The following AHCY variants were observed in gnomAD, a reference collection of about 807,000 sequenced individuals.
AHCY encodes the protein adenosylhomocysteinase, also known as S-adenosyl-L-homocysteine hydrolase.
A neutral mutation model predicts 45.4 loss-of-function variants in AHCY; 24 were observed. The observed-to-expected ratio is 0.53, with a 90% CI of 0.38 to 0.74. The LOEUF (loss-of-function observed/expected upper bound fraction) is 0.74. AHCY is among the 30% of genes least tolerant of loss of function. The pLI is 0.00. For missense variants in AHCY, 449 were observed against 594.1 expected (o/e 0.76, Z 2.54); for synonymous variants, 245 against 235.1 (o/e 1.04, Z -0.39).
intron 8 of AHCY, among the ~76,000 whole-genome samples, chr20:34,289,607 A>G (rs551657872): frequency 1.3e-4 from 19 of 150,884 alleles, no homozygotes; most frequent in Admixed American, 5.3e-4. Context: ...CCTCCCAAAT[A>G]GCTGGGATTA....
At chr20:34,299,751 C>A (rs1202725544) in intron 1 of AHCY, among the ~76,000 whole-genome samples, 1 of 152,196 alleles carries the variant, frequency 6.6e-6, no homozygotes, top group Non-Finnish European at 1.5e-5. Context: ...GGAAATGAAA[C>A]CACCATTCAA....
At chr20:34,256,605 T>C in the AHCY span, among the ~76,000 whole-genome samples, 1 of 152,172 alleles carries the variant, frequency 6.6e-6, no homozygotes, top group African/African-American at 2.4e-5. Context: ...GCCTGGCCTC[T>C]TTTTCTAGCT....
At chr20:34,259,749 T>TA in the AHCY span, among the ~76,000 whole-genome samples, 1,267 of 142,746 alleles carry the variant, frequency 8.9e-3, 14 homozygotes, top group African/African-American at 0.029. Flanking sequence ...AGACTCCATC[T>TA]AAAAAAAAAA....
At chr20:34,306,940 G>C (rs893316543), upstream of AHCY, among the ~76,000 whole-genome samples, 8 of 152,186 alleles carry the variant, frequency 5.3e-5, no homozygotes, top group African/African-American at 1.9e-4. Context: ...GGTAAATGTG[G>C]CTGTAAAAGG....
chr20:34,238,012 T>C, the AHCY span, among the ~76,000 whole-genome samples: 1 of 152,206 alleles, frequency 6.6e-6, no homozygotes, highest in African/African-American at 2.4e-5. Flanking sequence ...AATCTGCTAA[T>C]GATTTTATTG....
At chr20:34,260,364 G>A in the AHCY span, 115 of 1,611,930 alleles carry the variant, frequency 7.1e-5, no homozygotes, top group African/African-American at 1.5e-3. Flanking sequence ...GTCCCACTCA[G>A]GCCTCCTGGG....
intron 8 of AHCY, among the ~76,000 whole-genome samples, chr20:34,287,493 C>T (rs188684595): frequency 8.6e-4 from 129 of 150,580 alleles, no homozygotes; most frequent in African/African-American, 3.0e-3. Context: ...TGGGTTCAAG[C>T]GATTCTCCTG....
intron 1 of AHCY, among the ~76,000 whole-genome samples, chr20:34,296,630 T>C (rs1568807932): frequency 6.6e-6 from 1 of 152,152 alleles, no homozygotes; most frequent in Non-Finnish European, 1.5e-5. Context: ...TCCAAGGTCA[T>C]ACCCTAGGTC....
chr20:34,279,835 T>C (rs968667004), downstream of AHCY, among the ~76,000 whole-genome samples: 3 of 151,946 alleles, frequency 2.0e-5, no homozygotes, highest in African/African-American at 7.3e-5. Flanking sequence ...TTAAAAATAC[T>C]GCAAACAGCC....
chr20:34,286,886 T>C (rs1216503728), intron 8 of AHCY, among the ~76,000 whole-genome samples: 1 of 136,200 alleles, frequency 7.3e-6, no homozygotes, highest in Non-Finnish European at 1.6e-5. Context: ...TCCCAGAGAC[T>C]CCTATTCCTG....
the AHCY span, among the ~76,000 whole-genome samples, chr20:34,266,624 GATGGCA>G: frequency 2.0e-5 from 3 of 152,060 alleles, no homozygotes; most frequent in Non-Finnish European, 2.9e-5. Context: ...AGTGAGCCGA[GATGGCA>G]CCACTACACT....
rs1285622503 is a variant in AHCY at position 34,290,652 on chromosome 20, G to A, written c.767-14C>T. On this transcript the variant is annotated splice_polypyrimidine_tract_variant and intron_variant, in intron 6 of 9. Coordinates refer to ENST00000217426, the MANE Select transcript of AHCY (RefSeq NM_000687.4). The surrounding 1 kb of genome is among the most constrained non-coding windows in gnomAD (Gnocchi z 4.5). ...TCACCTCATAGCCTGTGCAGAGACAGTGGCTGTGGGTCATCTACGGTGGCC... is the reference window on the plus strand; with the variant it reads ...TCACCTCATAGCCTGTGCAGAGACAATGGCTGTGGGTCATCTACGGTGGCC... The A allele has an allele frequency of 1.2e-6, 2 of 1,614,094 alleles. No individual in the cohort carries two copies. The highest frequency in any genetic ancestry group is 4.5e-5 in the East Asian group (2 of 44,870).
At chr20:34,242,480 A>T in the AHCY span, among the ~76,000 whole-genome samples, 1 of 152,092 alleles carries the variant, frequency 6.6e-6, no homozygotes, top group Non-Finnish European at 1.5e-5. Context: ...TGATCTGCCC[A>T]CCTCAGCCTC....
chr20:34,288,609 T>G (rs1478497056), intron 8 of AHCY, among the ~76,000 whole-genome samples: 1 of 152,022 alleles, frequency 6.6e-6, no homozygotes, highest in Admixed American at 6.6e-5. Context: ...AGGTCAAGGC[T>G]GCAGTGTGCC....
chr20:34,264,822 G>T, the AHCY span, among the ~76,000 whole-genome samples: 2 of 142,200 alleles, frequency 1.4e-5, no homozygotes, highest in East Asian at 2.0e-4. Flanking sequence ...TAGAAATGGG[G>T]TGTCACTCTG....
chr20:34,277,164 A>T (rs2035915781), downstream of AHCY, among the ~76,000 whole-genome samples: 1 of 152,090 alleles, frequency 6.6e-6, no homozygotes. Context: ...CAGCACCTCT[A>T]GCCTAGGAGG....
At chr20:34,242,285 T>C in the AHCY span, among the ~76,000 whole-genome samples, 754 of 152,204 alleles carry the variant, frequency 5.0e-3, 6 homozygotes, top group African/African-American at 0.017. Context: ...CAGGCTGGAG[T>C]GCAATGGCAT....
At chr20:34,234,712 G>T in the AHCY span, 1 of 152,032 alleles carries the variant, frequency 6.6e-6, no homozygotes. Flanking sequence ...TGAGGCTGAG[G>T]CTGAGCCAGG....
the AHCY span, chr20:34,245,869 T>C: frequency 3.3e-6 from 3 of 919,170 alleles, no homozygotes; most frequent in South Asian, 5.1e-5. Context: ...AGTAAATATA[T>C]ATATATGTAT....
Sources: allele counts gnomAD v4.1 joint callset (sites outside exome capture counted in the v4.1 genomes callset), GRCh38; gene constraint gnomAD v4.1.1; non-coding constraint Gnocchi (gnomAD v3.1); transcripts MANE v1.5; gene names NCBI Gene and HGNC (gene_info 2026-07-23, HGNC 2026-07-21).